The following ATP9A variants were observed in gnomAD, a reference collection of about 807,000 sequenced individuals.
ATP9A encodes the protein probable phospholipid-transporting ATPase IIA.
Under a neutral mutation model 144.1 loss-of-function variants are expected in ATP9A, and 52 were observed. The observed-to-expected ratio is 0.36, with a 90% CI of 0.29 to 0.45. ATP9A has a LOEUF of 0.45. ATP9A is among the 20% of genes least tolerant of loss of function. ATP9A has a pLI of 1.00. For synonymous variants in ATP9A, 582 were observed against 557.4 expected (o/e 1.04, Z -0.62); for missense variants, 947 against 1,392.7 (o/e 0.68, Z 5.09).
intron 4 of ATP9A, among the ~76,000 whole-genome samples, chr20:51,710,905 A>G (rs573410138): frequency 6.6e-6 from 1 of 152,320 alleles, no homozygotes; most frequent in South Asian, 2.1e-4. Context: ...GGATGAATGA[A>G]TGGAATCCGA....
At chr20:51,697,169 AACTTGT>A (rs1466605212) in intron 5 of ATP9A, among the ~76,000 whole-genome samples, 1 of 152,278 alleles carries the variant, frequency 6.6e-6, no homozygotes, top group Admixed American at 6.5e-5. Flanking sequence ...AGGAAATCAA[AACTTGT>A]ACTTGTGTTT....
chr20:51,629,855 G>A (rs2077263553), intron 15 of ATP9A, among the ~76,000 whole-genome samples: 1 of 152,162 alleles, frequency 6.6e-6, no homozygotes, highest in African/African-American at 2.4e-5. Context: ...TTTCTCATCT[G>A]TAAAACAGGA....
chr20:51,644,782 A>G (rs1458496651), intron 14 of ATP9A, among the ~76,000 whole-genome samples: 1 of 140,228 alleles, frequency 7.1e-6, no homozygotes, highest in African/African-American at 2.5e-5. Context: ...GGTACTTTCA[A>G]ACACTTATGG....
Position 51,690,958 on chromosome 20 carries a change from G to C in ATP9A, c.643-139C>G. On this transcript the variant is annotated intron_variant, in intron 7 of 27. Transcript: ENST00000338821. ...CTCAAAATTACAGGGGAGGTGGAAA[G>C]AAGAGGAAAGTCCTCTGTTAAGTAA... 3 of 706,372 alleles carry C rather than the reference G, an allele frequency of 4.2e-6. No homozygotes were observed. The South Asian group carries it at 5.1e-5, about 12-fold the overall frequency. 43.8% of individuals were successfully genotyped at this position (706,372 alleles called of 1,614,324 possible). A position where few individuals can be genotyped will look rare whatever the true frequency, so the allele number is the denominator to read the frequency against.
chr20:51,685,290 T>C (rs1222841580), intron 9 of ATP9A, among the ~76,000 whole-genome samples: 4 of 151,498 alleles, frequency 2.6e-5, no homozygotes, highest in African/African-American at 9.7e-5. Flanking sequence ...TATGAAAACA[T>C]AGGCACACGC....
chr20:51,744,319 C>A (rs1210819966), intron 1 of ATP9A, among the ~76,000 whole-genome samples: 3 of 152,136 alleles, frequency 2.0e-5, no homozygotes, highest in African/African-American at 7.2e-5. Flanking sequence ...GCCTGCACCA[C>A]CACAGCCGGC....
In ATP9A at chr20:51,618,817, G is replaced by A. The variant is rs779441638; in HGVS notation, c.2206-11C>T. The stretch of plus-strand genomic sequence containing the variant: ...GTACTTGAGGCAAACCTGCAGGGTG[G>A]AGGGAGAGGTGGTGCGTTGGTGGAG... On this transcript the variant is annotated splice_polypyrimidine_tract_variant and intron_variant, in intron 20 of 27. Transcript: ENST00000338821. 7 of 1,582,238 alleles carry A rather than the reference G, an allele frequency of 4.4e-6. No individual in the cohort carries two copies. Among genetic ancestry groups the A allele is most frequent in the African/African-American group, 4.0e-5 (3 of 74,192 alleles).
chr20:51,749,043 A>AT (rs2077820541), intron 1 of ATP9A, among the ~76,000 whole-genome samples: 1 of 152,142 alleles, frequency 6.6e-6, no homozygotes, highest in Non-Finnish European at 1.5e-5. Context: ...GTACTATTCA[A>AT]TTTAATACTA....
chr20:51,627,420 T>C (rs1381045264), intron 17 of ATP9A, among the ~76,000 whole-genome samples, 180 bp downstream of exon 17: 3 of 152,146 alleles, frequency 2.0e-5, no homozygotes, highest in African/African-American at 7.2e-5. Context: ...CATGGGGCTC[T>C]GTGGGTGAAG....
chr20:51,731,109 G>A (rs1483808022), intron 1 of ATP9A, among the ~76,000 whole-genome samples: 1 of 151,578 alleles, frequency 6.6e-6, no homozygotes, highest in Non-Finnish European at 1.5e-5. Flanking sequence ...TTCGAGATCA[G>A]CCTGACCAAG....
chr20:51,699,227 A>G (rs990689704), intron 4 of ATP9A, among the ~76,000 whole-genome samples: 1 of 150,880 alleles, frequency 6.6e-6, no homozygotes, highest in African/African-American at 2.4e-5. Context: ...GTGTAATCTC[A>G]GCTACTGAGG....
At chr20:51,673,771 T>C (rs1290419094) in intron 11 of ATP9A, among the ~76,000 whole-genome samples, 1 of 152,060 alleles carries the variant, frequency 6.6e-6, no homozygotes, top group African/African-American at 2.4e-5. Context: ...TAAAAGCCGA[T>C]GGGCGCGGTG....
Position 51,629,081 on chromosome 20 carries a change from G to T in ATP9A, c.1669-9C>A. ...TCTCCAGTTGATTCATCCTAGAGAGGGAGGCCGGAAGGAATGAGAAACTGA... is the reference window on the plus strand; with the variant it reads ...TCTCCAGTTGATTCATCCTAGAGAGTGAGGCCGGAAGGAATGAGAAACTGA... On this transcript the variant is annotated splice_polypyrimidine_tract_variant and intron_variant, in intron 15 of 27. Coordinates refer to ENST00000338821, the MANE Select transcript of ATP9A (RefSeq NM_006045.3). 1 of 1,607,708 alleles carries T rather than the reference G, an allele frequency of 6.2e-7. No individual in the cohort carries two copies.
At chr20:51,702,405 C>A (rs962388627) in intron 4 of ATP9A, among the ~76,000 whole-genome samples, 2 of 105,562 alleles carry the variant, frequency 1.9e-5, no homozygotes, top group East Asian at 3.1e-4. Context: ...TGTGTGTGTG[C>A]ATGTAATGAG....
intron 7 of ATP9A, among the ~76,000 whole-genome samples, chr20:51,691,597 C>A (rs2122819601): frequency 6.6e-6 from 1 of 152,290 alleles, no homozygotes; most frequent in African/African-American, 2.4e-5. Flanking sequence ...AAAACAAAAA[C>A]AAAAACAAGT....
intron 18 of ATP9A, 136 bp downstream of exon 18, chr20:51,625,056 G>A (rs751532221): frequency 1.1e-4 from 73 of 654,016 alleles, no homozygotes; most frequent in Non-Finnish European, 1.7e-4. Flanking sequence ...AACAGTGCCT[G>A]TGGCCCATTG....
Position 51,611,302 on chromosome 20 carries a change from CT to C in ATP9A, c.2572-1138del, listed in dbSNP as rs2077184022. 6.6e-6 allele frequency among the ~76,000 whole-genome samples: 1 copy of C among 152,222 alleles called. No homozygotes were observed. Among genetic ancestry groups the C allele is most frequent in the Non-Finnish European group, 1.5e-5 (1 of 68,034 alleles). On this transcript the variant is annotated intron_variant, in intron 23 of 27. Transcript: ENST00000338821. The surrounding 1 kb of genome is among the most constrained non-coding windows in gnomAD (Gnocchi z 4.2). ...TGGCCACAGGAAGCCCCAGTTCGCC[CT>C]GGCTGCGCCGGAAAAGCCACTTTTC...
chr20:51,687,371 G>A (rs2077527722), intron 9 of ATP9A, among the ~76,000 whole-genome samples: 1 of 152,214 alleles, frequency 6.6e-6, no homozygotes, highest in South Asian at 2.1e-4. Context: ...AGTAGTGCAT[G>A]TGTGGATGGT....
intron 23 of ATP9A, among the ~76,000 whole-genome samples, chr20:51,613,085 TC>T (rs1160046970): frequency 6.6e-6 from 1 of 152,126 alleles, no homozygotes; most frequent in Non-Finnish European, 1.5e-5. Context: ...AGCCTCAGCC[TC>T]CCCATCCGTA....
Sources: allele counts gnomAD v4.1 joint callset (sites outside exome capture counted in the v4.1 genomes callset), GRCh38; gene constraint gnomAD v4.1.1; non-coding constraint Gnocchi (gnomAD v3.1); transcripts MANE v1.5; gene names NCBI Gene and HGNC (gene_info 2026-07-23, HGNC 2026-07-21).